Variants in SLIT2 observed in about 807,000 individuals in gnomAD.
The protein encoded by SLIT2 is slit homolog 2 protein.
In SLIT2, 41 loss-of-function variants were observed where a neutral mutation model predicts 185.7. The observed-to-expected ratio is 0.22, with a 90% CI of 0.17 to 0.29. The LOEUF (loss-of-function observed/expected upper bound fraction) is 0.29. Among genes scored for constraint, SLIT2 ranks in the 10% least tolerant of loss-of-function variants. The probability of loss-of-function intolerance (pLI) is 1.00; values close to 1 mark genes in which losing one functional copy is unlikely to be tolerated. For synonymous variants in SLIT2, 693 were observed against 680.2 expected, an observed-to-expected ratio of 1.02 and a Z score of -0.29; for missense variants, 1,571 against 1,909.0, an observed-to-expected ratio of 0.82 and a Z score of 3.30.
At chr4:20,268,560 A>G (rs549756637) in intron 3 of SLIT2, among the ~76,000 whole-genome samples, 1 of 151,936 alleles carries the variant, frequency 6.6e-6, no homozygotes, top group African/African-American at 2.4e-5. Flanking sequence ...TGGTTGACTG[A>G]TGTTGCACAG....
intron 14 of SLIT2, among the ~76,000 whole-genome samples, 199 bp downstream of exon 14, chr4:20,524,376 A>G (rs1393981714): frequency 6.6e-6 from 1 of 152,228 alleles, no homozygotes; most frequent in Non-Finnish European, 1.5e-5. Flanking sequence ...AACACCATAT[A>G]CAGCAGAAGA....
intron 4 of SLIT2, among the ~76,000 whole-genome samples, chr4:20,440,108 G>A: frequency 6.6e-6 from 1 of 152,128 alleles, no homozygotes; most frequent in East Asian, 1.9e-4. Flanking sequence ...GCTTTGGAAA[G>A]CAGTCTGCCG....
chr4:20,353,283 G>A (rs924232986), intron 4 of SLIT2, among the ~76,000 whole-genome samples: 2 of 152,060 alleles, frequency 1.3e-5, no homozygotes, highest in Non-Finnish European at 2.9e-5. Context: ...AAAAAAAGGA[G>A]CTTTACTTTA....
At chr4:20,283,853 C>T (rs183356920) in intron 4 of SLIT2, among the ~76,000 whole-genome samples, 51 of 152,302 alleles carry the variant, frequency 3.3e-4, no homozygotes, top group Admixed American at 1.8e-3. Flanking sequence ...TATTCTTAAT[C>T]AGTTTTGGCT....
At chr4:20,514,901 A>T (rs1720072710) in intron 11 of SLIT2, among the ~76,000 whole-genome samples, 1 of 152,166 alleles carries the variant, frequency 6.6e-6, no homozygotes, top group Non-Finnish European at 1.5e-5. Context: ...CAGGGATTTT[A>T]AAATTTCTTT....
At chr4:20,486,559 T>C (rs759756972) in intron 7 of SLIT2, among the ~76,000 whole-genome samples, 4 of 152,128 alleles carry the variant, frequency 2.6e-5, no homozygotes, top group African/African-American at 4.8e-5. Context: ...GAAGACTCCT[T>C]GATTGGCTGT....
chr4:20,277,690 T>C (rs1714302486), intron 4 of SLIT2, among the ~76,000 whole-genome samples: 1 of 149,164 alleles, frequency 6.7e-6, no homozygotes, highest in Non-Finnish European at 1.5e-5. Flanking sequence ...ATTCTATTAT[T>C]TTTAATCATT....
intron 11 of SLIT2, among the ~76,000 whole-genome samples, chr4:20,518,906 A>G (rs1011497153): frequency 4.0e-5 from 6 of 151,718 alleles, no homozygotes; most frequent in African/African-American, 1.5e-4. Context: ...GCGCCCGGCC[A>G]TGTATATATT....
At chr4:20,264,099 AT>A (rs1208808141) in intron 3 of SLIT2, among the ~76,000 whole-genome samples, 4 of 151,922 alleles carry the variant, frequency 2.6e-5, no homozygotes, top group African/African-American at 9.7e-5. Context: ...TATTTTGCTA[AT>A]AAGTATTGAC....
chr4:20,395,699 T>C (rs1260149263), intron 4 of SLIT2, among the ~76,000 whole-genome samples: 2 of 151,960 alleles, frequency 1.3e-5, no homozygotes, highest in Non-Finnish European at 2.9e-5. Flanking sequence ...TTAACACAGA[T>C]CATTATTTTT....
chr4:20,488,885 A>G lies in SLIT2; in HGVS notation c.678A>G (p.Gln226=). ...HLAWLSDWLR[Q]RPRVGLYTQC... ...CCTGGCTCTCCGACTGGCTTCGCCAAAGGCCTCGGGTTGGTCTGTACACTC... is the reference window on the plus strand; with the variant it reads ...CCTGGCTCTCCGACTGGCTTCGCCAGAGGCCTCGGGTTGGTCTGTACACTC... Residue 226 remains glutamine (Q), a synonymous_variant, in exon 8 of 37, where the codon CAA becomes CAG. Coordinates refer to ENST00000504154, the MANE Select transcript of SLIT2 (RefSeq NM_004787.4). The G allele has an allele frequency of 6.2e-7, 1 of 1,612,418 alleles. No homozygotes were observed. Among genetic ancestry groups the G allele is most frequent in the Non-Finnish European group, 8.5e-7 (1 of 1,178,654 alleles).
intron 4 of SLIT2, among the ~76,000 whole-genome samples, chr4:20,451,975 G>A (rs886865449): frequency 1.6e-4 from 24 of 152,118 alleles, no homozygotes; most frequent in African/African-American, 7.2e-5. Context: ...AAGCATTTGC[G>A]TTACGTTAAA....
chr4:20,481,976 C>T (rs970180894), intron 6 of SLIT2, among the ~76,000 whole-genome samples: 2 of 151,952 alleles, frequency 1.3e-5, no homozygotes, highest in East Asian at 1.9e-4. Flanking sequence ...AAGTTTCTAT[C>T]GGAAAAATAT....
intron 4 of SLIT2, chr4:20,393,396 T>G (rs1050482759): frequency 1.3e-5 from 2 of 152,078 alleles, no homozygotes; most frequent in Non-Finnish European, 2.9e-5. Flanking sequence ...GGAAGCATTC[T>G]CCGAATATGA....
At position 20,532,724 on chromosome 4, in the gene SLIT2, G is replaced by A. The variant is rs115443493; in HGVS notation, c.1688+666G>A. 1.5e-3 allele frequency among the ~76,000 whole-genome samples: 235 copies of A among 152,308 alleles called. 2 individuals are homozygous for A. The highest frequency in any genetic ancestry group is 5.3e-3 in the African/African-American group (222 of 41,566). ...TAACTGGCCCATAGTCACATAGACT[G>A]TAAGTTACCGAACAGACTACTTGTA... On this transcript the variant is annotated intron_variant, in intron 17 of 36. Coordinates refer to ENST00000504154, the MANE Select transcript of SLIT2 (RefSeq NM_004787.4).
chr4:20,262,918 T>C (rs1712641168), intron 3 of SLIT2, among the ~76,000 whole-genome samples: 1 of 151,822 alleles, frequency 6.6e-6, no homozygotes, highest in Non-Finnish European at 1.5e-5. Context: ...CCGTTTGCTC[T>C]TTGTCGACCA....
At chr4:20,287,857 C>T (rs937824118) in intron 4 of SLIT2, among the ~76,000 whole-genome samples, 13 of 151,986 alleles carry the variant, frequency 8.6e-5, no homozygotes, top group Admixed American at 5.2e-4. Context: ...TAAATAAATT[C>T]AATAAGGTCT....
intron 18 of SLIT2, among the ~76,000 whole-genome samples, 164 bp downstream of exon 18, chr4:20,533,879 T>TACACACACACACAC (rs1560172383): frequency 0.085 from 12,804 of 151,424 alleles, 1,026 homozygotes; most frequent in African/African-American, 0.21. Flanking sequence ...CACACACACA[T>TACACACACACACAC]GTATTGTGAA....
chr4:20,388,794 T>A (rs1158959779), intron 4 of SLIT2, among the ~76,000 whole-genome samples: 164 of 136,852 alleles, frequency 1.2e-3, no homozygotes, highest in East Asian at 3.2e-3. Context: ...AAAAAAAAAA[T>A]ATATATATAT....
Sources: gnomAD v4.1 joint callset for allele counts (sites outside exome capture counted in the v4.1 genomes callset) on GRCh38, gnomAD v4.1.1 for gene constraint, MANE v1.5 for transcripts, NCBI Gene and HGNC (gene_info 2026-07-23, HGNC 2026-07-21) for gene names.